Variants in WWTR1 observed in about 807,000 individuals in gnomAD.
WWTR1 encodes the protein WW domain-containing transcription regulator protein 1.
A neutral mutation model predicts 40.1 loss-of-function variants in WWTR1; 13 were observed. The ratio of observed to expected loss-of-function variants is 0.32; its 90% CI spans 0.21 to 0.52. The LOEUF is 0.52. WWTR1 is among the 20% of genes least tolerant of loss of function. The pLI, the probability that WWTR1 is intolerant of heterozygous loss-of-function variation, is 0.97. For synonymous variants in WWTR1, 230 were observed against 210.1 expected (o/e 1.09, Z -0.82); for missense variants, 436 against 523.1 (o/e 0.83, Z 1.63).
upstream of WWTR1, among the ~76,000 whole-genome samples, chr3:149,705,752 A>G (rs1715312780): frequency 6.6e-6 from 1 of 152,232 alleles, no homozygotes; most frequent in Admixed American, 6.5e-5. Context: ...CCTCATGACA[A>G]TTCCAACTGG....
At chr3:149,604,403 G>T (rs1692791776) in intron 2 of WWTR1, among the ~76,000 whole-genome samples, 1 of 152,162 alleles carries the variant, frequency 6.6e-6, no homozygotes, top group Non-Finnish European at 1.5e-5. Context: ...ATGCTCCTTA[G>T]CTAAAAGAGA....
chr3:149,523,011 A>C (rs112655408), intron 6 of WWTR1, among the ~76,000 whole-genome samples: 6,031 of 151,604 alleles, frequency 0.04, 173 homozygotes, highest in Non-Finnish European at 0.058. Flanking sequence ...GGTTGCAATG[A>C]GCTGAGATCA....
chr3:149,621,597 TAGAA>T (rs1434829906), intron 2 of WWTR1, among the ~76,000 whole-genome samples: 2 of 152,020 alleles, frequency 1.3e-5, no homozygotes, highest in Non-Finnish European at 2.9e-5. Context: ...CTAAAGATGA[TAGAA>T]AGAAAAAATA....
At chr3:149,532,945 A>G (rs1437969272) in intron 4 of WWTR1, among the ~76,000 whole-genome samples, 1 of 152,232 alleles carries the variant, frequency 6.6e-6, no homozygotes, top group African/African-American at 2.4e-5. Flanking sequence ...AGGCTGGCTG[A>G]GGGCATAACT....
chr3:149,702,312 G>A (rs1244982161), intron 1 of WWTR1: 1 of 152,138 alleles, frequency 6.6e-6, no homozygotes, highest in African/African-American at 2.4e-5. Context: ...CAATATGCAA[G>A]TGTTATGAAT....
In WWTR1 at chr3:149,628,304, A is replaced by C. The variant is rs569145147; in HGVS notation, c.431+28572T>G. On this transcript the variant is annotated intron_variant, in intron 2 of 6. Coordinates refer to ENST00000360632, the MANE Select transcript of WWTR1 (RefSeq NM_015472.6). ...AGAATGGTGTGGACCCGGGAGGCAG[A>C]GCTTGCGGTGGCCGAGATCACGCCA... is the stretch of plus-strand genomic sequence containing the variant. Among the ~76,000 whole-genome samples, 3 of 152,054 alleles carry C rather than the reference A, an allele frequency of 2.0e-5. No individual in the cohort carries two copies. In the South Asian group the frequency reaches 6.2e-4, roughly 32 times the overall value.
chr3:149,578,278 C>A (rs1472657571), intron 2 of WWTR1, among the ~76,000 whole-genome samples: 1 of 152,144 alleles, frequency 6.6e-6, no homozygotes, highest in South Asian at 2.1e-4. Flanking sequence ...CCTAGTCACA[C>A]TACCCATATG....
intron 3 of WWTR1, among the ~76,000 whole-genome samples, chr3:149,560,879 T>A (rs1737051978): frequency 1.3e-5 from 2 of 151,750 alleles, no homozygotes; most frequent in South Asian, 2.1e-4. Flanking sequence ...AAAAACAGAG[T>A]TAGTGGGAAA....
chr3:149,706,164 C>T (rs1373575354), upstream of WWTR1, among the ~76,000 whole-genome samples: 2 of 152,000 alleles, frequency 1.3e-5, no homozygotes, highest in African/African-American at 4.8e-5. Context: ...CAATATACCA[C>T]TGCAGTCAAG....
intron 4 of WWTR1, among the ~76,000 whole-genome samples, chr3:149,720,297 A>T (rs535355456): frequency 6.6e-6 from 1 of 152,202 alleles, no homozygotes; most frequent in South Asian, 2.1e-4. Context: ...AATTATGCGT[A>T]TGGTATTAGG....
At chr3:149,652,616 A>T (rs6808717) in intron 2 of WWTR1, among the ~76,000 whole-genome samples, 1,666 of 109,116 alleles carry the variant, frequency 0.015, 41 homozygotes, top group East Asian at 0.095. Context: ...GACAGACCCC[A>T]TCTCAAAAAA....
chr3:149,668,771 A>G (rs1358286769), intron 2 of WWTR1, among the ~76,000 whole-genome samples: 3 of 152,200 alleles, frequency 2.0e-5, no homozygotes, highest in Non-Finnish European at 4.4e-5. Context: ...CAATAGTTAC[A>G]TTGATTTCTC....
At chr3:149,652,310 A>G (rs948800311) in intron 2 of WWTR1, among the ~76,000 whole-genome samples, 1 of 151,934 alleles carries the variant, frequency 6.6e-6, no homozygotes, top group Non-Finnish European at 1.5e-5. Context: ...ATACAGCATA[A>G]GGAATCAAGA....
At chr3:149,610,625 T>A (rs949821048) in intron 2 of WWTR1, among the ~76,000 whole-genome samples, 28 of 152,134 alleles carry the variant, frequency 1.8e-4, no homozygotes, top group Admixed American at 1.0e-3. Flanking sequence ...AAAGATGCCT[T>A]CTCTCCTCTC....
chr3:149,603,523 C>T (rs180796947), intron 2 of WWTR1, among the ~76,000 whole-genome samples: 17 of 151,128 alleles, frequency 1.1e-4, no homozygotes, highest in African/African-American at 3.7e-4. Context: ...CATGATAATG[C>T]TAATAATTTA....
In WWTR1 at chr3:149,656,977, G is replaced by C. The variant is rs1713269475; in HGVS notation, c.330C>G (p.His110Gln). ...CGTAGGACTGCTGGCGGAGGTGCGC[G>C]TGCTGCTGCGCGGGGCTACCCGCAG... ...AGAAGSPAQQHAHLRQQSYDV... is the reference protein window; with the variant it reads ...AGAAGSPAQQQAHLRQQSYDV... Residue 110 changes from histidine (H) to glutamine (Q), a missense_variant, in exon 2 of 7, where the codon CAC becomes CAG. Coordinates refer to ENST00000360632, the MANE Select transcript of WWTR1 (RefSeq NM_015472.6). 1 of 1,598,928 alleles carries C rather than the reference G, an allele frequency of 6.3e-7. No individual in the cohort carries two copies. Among genetic ancestry groups the C allele is most frequent in the Middle Eastern group, 1.7e-4 (1 of 5,900 alleles).
intron 3 of WWTR1, among the ~76,000 whole-genome samples, chr3:149,570,022 A>G (rs907057128): frequency 1.1e-4 from 16 of 152,218 alleles, no homozygotes; most frequent in African/African-American, 3.9e-4. Context: ...AATAAAGACT[A>G]TGAACCACAG....
intron 2 of WWTR1, among the ~76,000 whole-genome samples, chr3:149,631,210 A>C (rs1711539490): frequency 6.6e-6 from 1 of 152,222 alleles, no homozygotes; most frequent in Admixed American, 6.5e-5. Context: ...GGCAGAAGCT[A>C]AGTTTAGATG....
At chr3:149,656,500 G>T (rs990856722) in intron 2 of WWTR1, among the ~76,000 whole-genome samples, 1 of 152,020 alleles carries the variant, frequency 6.6e-6, no homozygotes, top group Non-Finnish European at 1.5e-5. Flanking sequence ...ATTTATCTCG[G>T]TGTCACATCC....
Sources: allele counts gnomAD v4.1 joint callset (sites outside exome capture counted in the v4.1 genomes callset), GRCh38; gene constraint gnomAD v4.1.1; transcripts MANE v1.5; gene names NCBI Gene and HGNC (gene_info 2026-07-23, HGNC 2026-07-21).